Variants in FAM221A observed in about 807,000 individuals in gnomAD.
FAM221A encodes the protein protein FAM221A.
A neutral mutation model predicts 37.6 loss-of-function variants in FAM221A; 43 were observed. That is an observed-to-expected ratio of 1.15 (90% CI 0.90 to 1.48). The LOEUF (loss-of-function observed/expected upper bound fraction) is 1.48. FAM221A is among the 40% of genes most tolerant of loss of function. FAM221A has a pLI of 0.00. For missense variants in FAM221A, 361 were observed against 361.5 expected (o/e 1.00, Z 0.01); for synonymous variants, 135 against 132.9 (o/e 1.02, Z -0.11).
At chr7:23,687,256 A>T (rs1412064063) in intron 2 of FAM221A, 1 of 152,214 alleles carries the variant, frequency 6.6e-6, no homozygotes, top group Non-Finnish European at 1.5e-5. Context: ...GCTGTGAGGG[A>T]GCCTTGGGGG....
At chr7:23,691,276 A>G in intron 3 of FAM221A, 114 bp from the exon 4 acceptor site, 1 of 887,428 alleles carries the variant, frequency 1.1e-6, no homozygotes, top group Admixed American at 2.1e-5. Flanking sequence ...GCTGGAGGTA[A>G]GAGTTACAGG....
intron 2 of FAM221A, chr7:23,686,189 C>G (rs1227801095): frequency 1.6e-4 from 49 of 315,508 alleles, no homozygotes; most frequent in South Asian, 1.1e-3. Flanking sequence ...TTTATTCTTA[C>G]ACAAATTTAG....
intron 6 of FAM221A, among the ~76,000 whole-genome samples, chr7:23,701,509 G>A (rs1363478537): frequency 4.6e-5 from 7 of 151,988 alleles, no homozygotes; most frequent in Non-Finnish European, 7.4e-5. Flanking sequence ...AAAGTGCTGG[G>A]ATTACAGGCA....
At chr7:23,684,755 G>A in intron 2 of FAM221A, 83 bp downstream of exon 2, 1 of 1,233,960 alleles carries the variant, frequency 8.1e-7, no homozygotes, top group Non-Finnish European at 1.1e-6. Flanking sequence ...CGTAATGATT[G>A]AGAAACATTT....
chr7:23,691,289 C>T lies in FAM221A; in HGVS notation c.431-101C>T, dbSNP rs1453224198. The T allele has an allele frequency of 2.8e-6, 3 of 1,059,318 alleles. No individual in the cohort carries two copies. The East Asian group carries it at 7.2e-5, about 25-fold the overall frequency. The allele number at this position is 1,059,318 out of a possible 1,614,324, so 65.6% of individuals were successfully genotyped here. On this transcript the variant is annotated intron_variant, in intron 3 of 6. Transcript: ENST00000344962. ...TGGCTGGAGGTAAGAGTTACAGGGG[C>T]CAGAGGATCTAGGTTCAGCTGGCTT...
intron 3 of FAM221A, among the ~76,000 whole-genome samples, 170 bp from the exon 4 acceptor site, chr7:23,691,220 C>A (rs868127932): frequency 6.6e-6 from 1 of 151,502 alleles, no homozygotes; most frequent in Admixed American, 6.6e-5. Context: ...GTTACTACTT[C>A]GGCATGTTTT....
At chr7:23,699,821 C>T (rs1785297209) in intron 5 of FAM221A, among the ~76,000 whole-genome samples, 1 of 151,920 alleles carries the variant, frequency 6.6e-6, no homozygotes, top group East Asian at 1.9e-4. Flanking sequence ...GGACTACAGG[C>T]GTGAATCAGT....
intron 6 of FAM221A, 83 bp downstream of exon 6, chr7:23,700,951 A>C: frequency 2.2e-6 from 2 of 897,748 alleles, no homozygotes; most frequent in Non-Finnish European, 3.5e-6. Flanking sequence ...AATGTGGAAC[A>C]TCCTTGAAAA....
chr7:23,681,739 G>A (rs1484442207), intron 1 of FAM221A, among the ~76,000 whole-genome samples: 1 of 152,182 alleles, frequency 6.6e-6, no homozygotes, highest in African/African-American at 2.4e-5. Flanking sequence ...TAAATAACTT[G>A]CAACACTTCC....
chr7:23,690,201 T>TATA (rs1562522045), intron 3 of FAM221A, among the ~76,000 whole-genome samples: 72 of 38,490 alleles, frequency 1.9e-3, no homozygotes, highest in East Asian at 0.014. Context: ...ATATATATAT[T>TATA]TTTTTTTTTT....
chr7:23,702,023 G>A, intron 6 of FAM221A, 73 bp from the exon 7 acceptor site: 1 of 953,620 alleles, frequency 1.0e-6, no homozygotes, highest in South Asian at 1.9e-5. Context: ...GAATCTGAAT[G>A]AGTTTTCTGC....
chr7:23,690,471 C>CT (rs1784678361), intron 3 of FAM221A, among the ~76,000 whole-genome samples: 1 of 151,986 alleles, frequency 6.6e-6, no homozygotes, highest in African/African-American at 2.4e-5. Context: ...TCCCAAAGTG[C>CT]TGGGATTCCA....
chr7:23,692,045 A>G (rs1784782486), intron 4 of FAM221A: 1 of 229,120 alleles, frequency 4.4e-6, no homozygotes, highest in South Asian at 1.4e-4. Flanking sequence ...GTATATGAAC[A>G]TACGTGTATA....
intron 3 of FAM221A, among the ~76,000 whole-genome samples, chr7:23,689,694 C>A (rs1254211239): frequency 6.6e-6 from 1 of 151,866 alleles, no homozygotes; most frequent in Non-Finnish European, 1.5e-5. Flanking sequence ...AATCATAAAC[C>A]CTCATCTCAT....
intron 5 of FAM221A, among the ~76,000 whole-genome samples, chr7:23,700,485 T>C (rs1785353560): frequency 6.6e-6 from 1 of 152,246 alleles, no homozygotes. Context: ...GATTTCTAGT[T>C]ATAAAATGTA....
chr7:23,684,682 T>C lies in FAM221A; in HGVS notation c.239+10T>C, dbSNP rs371705612. ...GTTTTTGTACACATAGGTAAGATACTTTATTGCAAAGTTTTTTGATAATTA... is the reference window on the plus strand; with the variant it reads ...GTTTTTGTACACATAGGTAAGATACCTTATTGCAAAGTTTTTTGATAATTA... On this transcript the variant is annotated intron_variant, in intron 2 of 6. Transcript: ENST00000344962. 11 of 1,572,304 alleles carry C rather than the reference T, an allele frequency of 7.0e-6. No homozygotes were observed. The highest frequency in any genetic ancestry group is 9.5e-6 in the Non-Finnish European group (11 of 1,162,560).
chr7:23,685,886 T>C (rs1784339440), intron 2 of FAM221A, among the ~76,000 whole-genome samples: 1 of 152,198 alleles, frequency 6.6e-6, no homozygotes, highest in Non-Finnish European at 1.5e-5. Context: ...CTGAACCTGT[T>C]CCATGTTTTC....
intron 4 of FAM221A, among the ~76,000 whole-genome samples, chr7:23,695,750 A>G (rs1415478597): frequency 6.6e-6 from 1 of 152,174 alleles, no homozygotes; most frequent in Non-Finnish European, 1.5e-5. Flanking sequence ...TTTGTTTATA[A>G]AAAAGCAAAA....
chr7:23,684,154 C>T (rs952036801), intron 1 of FAM221A, among the ~76,000 whole-genome samples: 4 of 151,984 alleles, frequency 2.6e-5, no homozygotes. Context: ...TTCTTCAGAC[C>T]CCCAGTAAAA....
Sources: allele counts gnomAD v4.1 joint callset (sites outside exome capture counted in the v4.1 genomes callset), GRCh38; gene constraint gnomAD v4.1.1; transcripts MANE v1.5; gene names NCBI Gene and HGNC (gene_info 2026-07-23, HGNC 2026-07-21).